The following CPED1 variants were observed in gnomAD, a reference collection of about 807,000 sequenced individuals.
CPED1 encodes cadherin-like and PC-esterase domain-containing protein 1.
CPED1 carries 114 observed loss-of-function variants against 128.2 expected under a neutral mutation model. The ratio of observed to expected loss-of-function variants is 0.89; its 90% CI spans 0.76 to 1.04. The LOEUF (loss-of-function observed/expected upper bound fraction) is 1.04. Ranked by LOEUF, CPED1 falls within the 50% of genes least tolerant of loss-of-function variation. CPED1 has a pLI of 0.00. For missense variants in CPED1, 1,211 were observed against 1,207.1 expected, an observed-to-expected ratio of 1.00 and a Z score of -0.05; for synonymous variants, 462 against 426.7, an observed-to-expected ratio of 1.08 and a Z score of -1.02.
intron 2 of CPED1, among the ~76,000 whole-genome samples, chr7:120,992,485 A>C (rs1166321687): frequency 1.3e-5 from 2 of 152,162 alleles, no homozygotes; most frequent in Non-Finnish European, 2.9e-5. Flanking sequence ...TTTATGTCAG[A>C]TATTCAGAAC....
At chr7:121,261,245 A>G (rs569257717) in intron 18 of CPED1, among the ~76,000 whole-genome samples, 1 of 152,236 alleles carries the variant, frequency 6.6e-6, no homozygotes, top group African/African-American at 2.4e-5. Flanking sequence ...ATTTTTACCA[A>G]TAAATATTTC....
chr7:121,231,334 A>G (rs1354397032), intron 16 of CPED1, among the ~76,000 whole-genome samples: 1 of 152,124 alleles, frequency 6.6e-6, no homozygotes, highest in Non-Finnish European at 1.5e-5. Context: ...TCTTATTGTC[A>G]GCACGAATTT....
At chr7:121,038,230 T>C (rs1792953059) in intron 3 of CPED1, among the ~76,000 whole-genome samples, 1 of 152,042 alleles carries the variant, frequency 6.6e-6, no homozygotes, top group Non-Finnish European at 1.5e-5. Context: ...TCAGGGGGAA[T>C]GCTTTCAACT....
At chr7:121,066,757 T>C (rs946620049) in intron 5 of CPED1, among the ~76,000 whole-genome samples, 1 of 152,156 alleles carries the variant, frequency 6.6e-6, no homozygotes, top group Non-Finnish European at 1.5e-5. Context: ...ACCAGTTCAC[T>C]GAAGGCTGTT....
At chr7:121,054,940 T>C (rs939663038) in intron 4 of CPED1, among the ~76,000 whole-genome samples, 7 of 152,210 alleles carry the variant, frequency 4.6e-5, no homozygotes, top group African/African-American at 1.7e-4. Context: ...GAAGGTCATA[T>C]AAGTAGAGTC....
chr7:121,285,940 C>T (rs1475669177), intron 22 of CPED1, among the ~76,000 whole-genome samples: 1 of 152,156 alleles, frequency 6.6e-6, no homozygotes, highest in South Asian at 2.1e-4. Flanking sequence ...TACCAATATA[C>T]TGTATTAGTC....
intron 16 of CPED1, among the ~76,000 whole-genome samples, chr7:121,183,977 T>A (rs1796950093): frequency 6.6e-6 from 1 of 152,038 alleles, no homozygotes; most frequent in African/African-American, 2.4e-5. Context: ...CTGTTTCTAC[T>A]GAAAATACAA....
At chr7:121,203,718 T>C (rs763336521) in intron 16 of CPED1, among the ~76,000 whole-genome samples, 13 of 152,064 alleles carry the variant, frequency 8.5e-5, no homozygotes, top group Non-Finnish European at 1.8e-4. Flanking sequence ...TGTTAACAAG[T>C]GTATAATAGC....
intron 3 of CPED1, among the ~76,000 whole-genome samples, chr7:121,026,410 T>C (rs1320631792): frequency 6.6e-6 from 1 of 152,278 alleles, no homozygotes; most frequent in African/African-American, 2.4e-5. Flanking sequence ...ATCCTTGTGC[T>C]ATCATAGTGG....
intron 16 of CPED1, among the ~76,000 whole-genome samples, chr7:121,229,151 A>G (rs1030575954): frequency 1.3e-5 from 2 of 152,084 alleles, no homozygotes; most frequent in Non-Finnish European, 2.9e-5. Flanking sequence ...TTGGCCACTA[A>G]GCATTATATA....
chr7:121,101,480 T>G (rs1443525440), intron 7 of CPED1, among the ~76,000 whole-genome samples: 2 of 152,204 alleles, frequency 1.3e-5, no homozygotes, highest in Non-Finnish European at 2.9e-5. Flanking sequence ...CTTCCATTTC[T>G]ATTTATATTA....
chr7:121,151,571 C>T (rs950447004), intron 16 of CPED1, among the ~76,000 whole-genome samples: 1 of 152,154 alleles, frequency 6.6e-6, no homozygotes, highest in Non-Finnish European at 1.5e-5. Flanking sequence ...TGATATAATT[C>T]TCAAAGCAAA....
In CPED1 at chr7:120,997,935, AATAAAATAAAATAAAAT is replaced by A. The variant is rs1562986469; in HGVS notation, c.249+8067_249+8083del. 2.8e-3 allele frequency among the ~76,000 whole-genome samples: 339 copies of A among 123,056 alleles called. 6 individuals carry two copies. The highest frequency in any genetic ancestry group is 0.012 in the African/African-American group (319 of 26,048). 80.7% of individuals were successfully genotyped at this position (123,056 alleles called of 152,430 possible). A position where few individuals can be genotyped will look rare whatever the true frequency, so the allele number is the denominator to read the frequency against. ...AAAACTCGGTCTCGAAAAAAAATAA[AATAAAATAAAATAAAAT>A]AAAATAAAATAAAATAAAATAAAAT... On this transcript the variant is annotated intron_variant, in intron 2 of 22. Transcript: ENST00000310396.
intron 22 of CPED1, among the ~76,000 whole-genome samples, chr7:121,286,253 T>C (rs771439878): frequency 4.6e-5 from 7 of 152,118 alleles, no homozygotes; most frequent in Non-Finnish European, 1.0e-4. Context: ...TAATGACGTG[T>C]AGGGATTACA....
chr7:121,030,269 A>G (rs1336338931), intron 3 of CPED1, among the ~76,000 whole-genome samples: 1 of 152,206 alleles, frequency 6.6e-6, no homozygotes, highest in East Asian at 1.9e-4. Flanking sequence ...CAATTAATAC[A>G]TTTTTAAATC....
At chr7:121,272,847 C>A (rs960873263) in intron 22 of CPED1, among the ~76,000 whole-genome samples, 1 of 152,000 alleles carries the variant, frequency 6.6e-6, no homozygotes, top group Admixed American at 6.6e-5. Flanking sequence ...TAAAACAACA[C>A]CCCAATGGGA....
rs374538868 is a variant in CPED1, at chr7:121,209,163, T to G, written c.2056-27551T>G. On this transcript the variant is annotated intron_variant, in intron 16 of 22. Transcript: ENST00000310396. ...CCATATAGCTCTGTGGTATTTTCTT[T>G]TTGTTTTTGGCCCCTGTTGCCACAT... is the stretch of plus-strand genomic sequence containing the variant. 5.3e-5 allele frequency among the ~76,000 whole-genome samples: 8 copies of G among 152,160 alleles called. No homozygotes were observed. In the East Asian group the frequency reaches 1.4e-3, roughly 26 times the overall value.
intron 16 of CPED1, among the ~76,000 whole-genome samples, chr7:121,227,593 C>A (rs1287294788): frequency 6.6e-6 from 1 of 152,038 alleles, no homozygotes; most frequent in East Asian, 1.9e-4. Flanking sequence ...ATTTGCTCTG[C>A]TTTTGGGAAA....
At chr7:121,182,152 A>G (rs970177287) in intron 16 of CPED1, among the ~76,000 whole-genome samples, 2 of 151,796 alleles carry the variant, frequency 1.3e-5, no homozygotes, top group Non-Finnish European at 2.9e-5. Flanking sequence ...AAGCTATGGT[A>G]ACATTAGAAT....
Sources: gnomAD v4.1 joint callset for allele counts (sites outside exome capture counted in the v4.1 genomes callset) on GRCh38, gnomAD v4.1.1 for gene constraint, MANE v1.5 for transcripts, NCBI Gene and HGNC (gene_info 2026-07-23, HGNC 2026-07-21) for gene names.